LRRTM4: variants seen among roughly 807,000 people sequenced by gnomAD.
LRRTM4 encodes the protein leucine-rich repeat transmembrane neuronal protein 4.
A neutral mutation model predicts 47.6 loss-of-function variants in LRRTM4; 25 were observed. The ratio of observed to expected loss-of-function variants is 0.53; its 90% CI spans 0.38 to 0.73. LRRTM4 has a LOEUF of 0.73. Ranked by LOEUF, LRRTM4 falls within the 30% of genes least tolerant of loss-of-function variation. The probability of loss-of-function intolerance (pLI) is 0.00; values close to 1 mark genes in which losing one functional copy is unlikely to be tolerated. For synonymous variants in LRRTM4, 311 were observed against 269.5 expected, an observed-to-expected ratio of 1.15 and a Z score of -1.51; for missense variants, 638 against 713.4, an observed-to-expected ratio of 0.89 and a Z score of 1.20.
At chr2:77,047,920 G>T (rs900581082) in intron 3 of LRRTM4, among the ~76,000 whole-genome samples, 1 of 151,988 alleles carries the variant, frequency 6.6e-6, no homozygotes, top group African/African-American at 2.4e-5. Context: ...AGGCTGTCTT[G>T]TGCATTGTAG....
At chr2:77,140,718 G>A (rs1672096540) in intron 3 of LRRTM4, among the ~76,000 whole-genome samples, 1 of 152,090 alleles carries the variant, frequency 6.6e-6, no homozygotes, top group South Asian at 2.1e-4. Flanking sequence ...ATTTTTGCAA[G>A]CTACTTCTCT....
intron 3 of LRRTM4, among the ~76,000 whole-genome samples, chr2:77,449,654 G>A (rs956090115): frequency 6.6e-6 from 1 of 152,146 alleles, no homozygotes; most frequent in Non-Finnish European, 1.5e-5. Context: ...TGATAGCCGG[G>A]ACTATACGGA....
rs569541887 is a variant in LRRTM4, at chr2:77,488,423, G to A, written c.1551+29895C>T. Among the ~76,000 whole-genome samples the A allele has an allele frequency of 3.9e-5, 6 of 152,244 alleles. No homozygotes were observed. The East Asian group carries it at 5.8e-4, about 15-fold the overall frequency. On this transcript the variant is annotated intron_variant, in intron 3 of 3. Coordinates refer to ENST00000409884, the MANE Select transcript of LRRTM4 (RefSeq NM_001134745.3). ...CACACCTGACTCACTCTTGGCAGGCGTGAGATCAGTGCCAGTAGCGTGAGC... is the reference window on the plus strand; with the variant it reads ...CACACCTGACTCACTCTTGGCAGGCATGAGATCAGTGCCAGTAGCGTGAGC...
At chr2:76,866,999 T>A (rs1363197664) in intron 3 of LRRTM4, among the ~76,000 whole-genome samples, 1 of 151,774 alleles carries the variant, frequency 6.6e-6, no homozygotes. Flanking sequence ...TATTCTCACT[T>A]GTAAATGAGA....
chr2:77,346,705 T>C (rs548364934), intron 3 of LRRTM4, among the ~76,000 whole-genome samples: 1 of 152,252 alleles, frequency 6.6e-6, no homozygotes, highest in East Asian at 1.9e-4. Flanking sequence ...ATTTTAACAT[T>C]GTTTAATTCC....
intron 3 of LRRTM4, among the ~76,000 whole-genome samples, chr2:77,207,418 A>T (rs1674166226): frequency 7.2e-6 from 1 of 138,920 alleles, no homozygotes; most frequent in Non-Finnish European, 1.5e-5. Flanking sequence ...TCCTGATTTC[A>T]TTTTGTTTTC....
At chr2:77,026,333 G>T (rs1316704417) in intron 3 of LRRTM4, among the ~76,000 whole-genome samples, 4 of 152,024 alleles carry the variant, frequency 2.6e-5, no homozygotes, top group Admixed American at 2.6e-4. Context: ...AAGAAATGAG[G>T]CTCAGAAAAG....
intron 3 of LRRTM4, among the ~76,000 whole-genome samples, chr2:76,755,554 A>G (rs1672998325): frequency 6.6e-6 from 1 of 152,206 alleles, no homozygotes; most frequent in South Asian, 2.1e-4. Flanking sequence ...ATGTTCTAGC[A>G]TATCGTTCGA....
chr2:77,412,893 G>GA (rs1389142531), intron 3 of LRRTM4, among the ~76,000 whole-genome samples: 1 of 151,998 alleles, frequency 6.6e-6, no homozygotes, highest in Non-Finnish European at 1.5e-5. Context: ...TAGTAAGAGG[G>GA]AAAAAATAAT....
intron 3 of LRRTM4, among the ~76,000 whole-genome samples, chr2:77,345,006 T>C (rs773238863): frequency 4.6e-5 from 7 of 151,414 alleles, no homozygotes; most frequent in Non-Finnish European, 8.9e-5. Context: ...AAATAGTTAT[T>C]GATAATATAA....
Position 77,099,935 on chromosome 2 carries a change from C to T in LRRTM4, c.1552-351019G>A, listed in dbSNP as rs530296413. Among the ~76,000 whole-genome samples, 14 of 152,150 alleles carry T rather than the reference C, an allele frequency of 9.2e-5. No homozygotes were observed. In the South Asian group the frequency reaches 1.2e-3, roughly 14 times the overall value. The stretch of plus-strand genomic sequence containing the variant: ...GGAGTGTGAAAGTGCAGGTGTATAA[C>T]TTTCTGGAGTCAAAAACAAAGTATT... On this transcript the variant is annotated intron_variant, in intron 3 of 3. Transcript: ENST00000409884.
intron 3 of LRRTM4, among the ~76,000 whole-genome samples, chr2:77,339,147 A>C (rs1443298207): frequency 6.6e-6 from 1 of 151,952 alleles, no homozygotes; most frequent in East Asian, 1.9e-4. Context: ...CCTTTTGAGT[A>C]CTGTGTTCAC....
At chr2:76,762,620 T>C (rs73940049) in intron 3 of LRRTM4, among the ~76,000 whole-genome samples, 1 of 152,180 alleles carries the variant, frequency 6.6e-6, no homozygotes, top group Non-Finnish European at 1.5e-5. Context: ...ATGAAAAGGC[T>C]CCATGATTGT....
chr2:77,021,084 A>G (rs1294147734), intron 3 of LRRTM4, among the ~76,000 whole-genome samples: 1 of 148,954 alleles, frequency 6.7e-6, no homozygotes, highest in African/African-American at 2.5e-5. Flanking sequence ...TGCAGGCAAG[A>G]AACTTCTCTG....
chr2:76,951,341 G>C (rs1675486293), intron 3 of LRRTM4, among the ~76,000 whole-genome samples: 1 of 151,920 alleles, frequency 6.6e-6, no homozygotes, highest in African/African-American at 2.4e-5. Flanking sequence ...TTCTCTTTCA[G>C]TCACTTTTTT....
At chr2:76,970,997 T>C (rs769689678) in intron 3 of LRRTM4, among the ~76,000 whole-genome samples, 1 of 151,908 alleles carries the variant, frequency 6.6e-6, no homozygotes, top group Non-Finnish European at 1.5e-5. Flanking sequence ...CCAGAACCTA[T>C]AGGACAAAAA....
intron 3 of LRRTM4, among the ~76,000 whole-genome samples, chr2:77,381,884 A>T (rs919763853): frequency 5.9e-5 from 9 of 152,032 alleles, no homozygotes; most frequent in African/African-American, 1.9e-4. Context: ...CTTCTTTTGG[A>T]AAAGAAGGAA....
chr2:77,052,791 T>C (rs1231335020), intron 3 of LRRTM4, among the ~76,000 whole-genome samples: 1 of 152,062 alleles, frequency 6.6e-6, no homozygotes, highest in African/African-American at 2.4e-5. Flanking sequence ...GTTCTTACAA[T>C]ACAAAGGACG....
At chr2:77,082,857 AAAGT>A (rs1159085793) in intron 3 of LRRTM4, among the ~76,000 whole-genome samples, 1 of 152,130 alleles carries the variant, frequency 6.6e-6, no homozygotes, top group African/African-American at 2.4e-5. Context: ...ATACATAATA[AAAGT>A]AATATTTTAC....
Sources: gnomAD v4.1 joint callset for allele counts (sites outside exome capture counted in the v4.1 genomes callset) on GRCh38, gnomAD v4.1.1 for gene constraint, MANE v1.5 for transcripts, NCBI Gene and HGNC (gene_info 2026-07-23, HGNC 2026-07-21) for gene names.